The following FBN2 variants were observed in gnomAD, a reference collection of about 807,000 sequenced individuals.
FBN2 encodes the protein fibrillin-2.
In FBN2, 105 loss-of-function variants were observed where a neutral mutation model predicts 355.6. The observed-to-expected ratio is 0.30, with a 90% CI of 0.25 to 0.35. The LOEUF is 0.35. FBN2 is among the 10% of genes least tolerant of loss of function. The pLI is 1.00. For missense variants in FBN2, 3,280 were observed against 3,758.7 expected (o/e 0.87, Z 3.33); for synonymous variants, 1,350 against 1,301.2 (o/e 1.04, Z -0.81).
At chr5:128,474,093 C>T (rs1463374807) in intron 5 of FBN2, among the ~76,000 whole-genome samples, 1 of 152,170 alleles carries the variant, frequency 6.6e-6, no homozygotes, top group Non-Finnish European at 1.5e-5. Flanking sequence ...TGTCACGTTT[C>T]ATACGGGTGA....
intron 15 of FBN2, among the ~76,000 whole-genome samples, chr5:128,371,477 T>C (rs1449633221): frequency 6.7e-6 from 1 of 149,908 alleles, no homozygotes; most frequent in African/African-American, 2.5e-5. Context: ...CTTCCTTCCT[T>C]TCCTTCCTTT....
intron 9 of FBN2, 40 bp from the exon 10 acceptor site, chr5:128,393,408 T>G: frequency 6.5e-7 from 1 of 1,544,612 alleles, no homozygotes; most frequent in Non-Finnish European, 8.9e-7. Flanking sequence ...CAGGTGAATG[T>G]CTTTCTGCAT....
Position 128,332,968 on chromosome 5 carries a change from C to T in FBN2, c.4166G>A (p.Gly1389Glu). 1.2e-6 allele frequency: 2 copies of T among 1,613,748 alleles called. No individual in the cohort carries two copies. The highest frequency in any genetic ancestry group is 1.1e-5 in the South Asian group (1 of 91,060). ...DMHASCLNIP[G>E]SFKCSCREGW... ...TTCTCTGCAGCTACACTTGAAGCTT[C>T]CTGGGATATTCAGACATGAGGCATG... is the stretch of plus-strand genomic sequence containing the variant. The change falls in exon 32 of 65, where the codon GGA becomes GAA. Residue 1389 changes from glycine to glutamate, a missense_variant. Physicochemically the swap from Gly to Glu is moderately conservative, Grantham distance 98. This residue lies in a region of FBN2 where 2,284 missense variants were observed against 2,749.5 expected (regional missense o/e 0.83). Transcript: ENST00000262464.
chr5:128,349,367 C>G lies in FBN2; in HGVS notation c.2969G>C (p.Gly990Ala). 6.2e-7 allele frequency: 1 copy of G among 1,614,062 alleles called. No homozygotes were observed. The highest frequency in any genetic ancestry group is 2.2e-5 in the East Asian group (1 of 44,870). ...CECPEGLTLD[G>A]TGRVCLDIRM... is the part of the protein sequence containing the mutation. ...CTTACCCAAACATACACGGCCAGTC[C>G]CATCCAACGTAAGGCCTTCAGGGCA... Residue 990 changes from glycine to alanine, a missense_variant, in exon 23 of 65, where the codon GGG (glycine) becomes GCG (alanine). By Grantham distance (60) the Gly-to-Ala change is moderately conservative (BLOSUM62 0). Transcript: ENST00000262464.
At chr5:128,357,832 C>T (rs993911865) in intron 19 of FBN2, among the ~76,000 whole-genome samples, 2 of 152,108 alleles carry the variant, frequency 1.3e-5, no homozygotes, top group African/African-American at 4.8e-5. Context: ...ATTCCAAGCT[C>T]TTGGGTATGA....
intron 12 of FBN2, 127 bp from the exon 13 acceptor site, chr5:128,378,004 A>C: frequency 3.8e-6 from 3 of 791,124 alleles, no homozygotes; most frequent in South Asian, 1.7e-5. Flanking sequence ...TCTGTCTCTC[A>C]GCAGTTTTTT....
chr5:128,532,627 A>T (rs953964591), intron 2 of FBN2, among the ~76,000 whole-genome samples: 3 of 152,190 alleles, frequency 2.0e-5, no homozygotes, highest in Non-Finnish European at 4.4e-5. Context: ...TTTCAAAGAG[A>T]TTTGGGACCC....
chr5:128,475,185 C>T (rs905160861), intron 5 of FBN2, among the ~76,000 whole-genome samples: 7 of 152,102 alleles, frequency 4.6e-5, no homozygotes, highest in Non-Finnish European at 4.4e-5. Context: ...AGACATCCCC[C>T]GGTCTCATCT....
At chr5:128,523,748 C>T (rs916536274) in intron 4 of FBN2, among the ~76,000 whole-genome samples, 1 of 152,026 alleles carries the variant, frequency 6.6e-6, no homozygotes, top group African/African-American at 2.4e-5. Context: ...CCAAAACCCT[C>T]TCCTTGTCAC....
In FBN2 at chr5:128,289,256, A is replaced by C; in HGVS notation, c.6512-4T>G. 1 of 1,613,822 alleles carries C rather than the reference A, an allele frequency of 6.2e-7. No individual in the cohort carries two copies. Among genetic ancestry groups the C allele is most frequent in the African/African-American group, 1.3e-5 (1 of 75,024 alleles). The stretch of plus-strand genomic sequence containing the variant: ...CTCTCAAGACACTCATTGACATCTA[A>C]AATATAGAACTGCATGTGAATTTCC... On this transcript the variant is annotated splice_region_variant and splice_polypyrimidine_tract_variant and intron_variant, in intron 51 of 64. Transcript: ENST00000262464.
At chr5:128,378,383 G>T (rs1197988453) in intron 12 of FBN2, among the ~76,000 whole-genome samples, 1 of 152,090 alleles carries the variant, frequency 6.6e-6, no homozygotes, top group Non-Finnish European at 1.5e-5. Context: ...CAGGGTGGTG[G>T]GTGTAGCACT....
chr5:128,400,886 A>T (rs928271288), intron 8 of FBN2, among the ~76,000 whole-genome samples: 1 of 152,092 alleles, frequency 6.6e-6, no homozygotes, highest in Non-Finnish European at 1.5e-5. Context: ...GGTGGGAGGG[A>T]CCCAGAGGGA....
intron 7 of FBN2, among the ~76,000 whole-genome samples, chr5:128,422,058 C>T (rs940589931): frequency 9.9e-5 from 15 of 152,140 alleles, no homozygotes; most frequent in African/African-American, 3.1e-4. Flanking sequence ...AGCCAAGGAA[C>T]GAGGGTAGCC....
intron 63 of FBN2, 111 bp downstream of exon 63, chr5:128,263,314 C>T (rs1412135306): frequency 1.1e-5 from 9 of 815,966 alleles, no homozygotes; most frequent in Non-Finnish European, 1.9e-5. Flanking sequence ...CTAATCAATG[C>T]TTTTGCGGTT....
At chr5:128,437,772 GTATAGATA>G (rs1753807202) in intron 7 of FBN2, among the ~76,000 whole-genome samples, 2 of 130,004 alleles carry the variant, frequency 1.5e-5, no homozygotes, top group African/African-American at 6.0e-5. Context: ...TAGTATGTAT[GTATAGATA>G]GATAGATAGA....
At chr5:128,273,803 G>A (rs1561741823) in intron 61 of FBN2, 37 bp downstream of exon 61, 2 of 1,597,778 alleles carry the variant, frequency 1.3e-6, no homozygotes, top group Non-Finnish European at 1.7e-6. Context: ...ATGGTTTACT[G>A]TTATTAGATT....
chr5:128,495,927 G>C (rs1755643410), intron 5 of FBN2, among the ~76,000 whole-genome samples: 1 of 152,036 alleles, frequency 6.6e-6, no homozygotes, highest in African/African-American at 2.4e-5. Flanking sequence ...CAAGTTTCTA[G>C]AAAGATAGAA....
rs145589172 is a variant in FBN2, at chr5:128,518,959, A to G, written c.628+314T>C. Among the ~76,000 whole-genome samples, 343 of 152,302 alleles carry G rather than the reference A, an allele frequency of 2.3e-3. 2 individuals are homozygous for G. Among genetic ancestry groups the G allele is most frequent in the African/African-American group, 7.8e-3 (323 of 41,568 alleles). On this transcript the variant is annotated intron_variant, in intron 5 of 64. Coordinates refer to ENST00000262464, the MANE Select transcript of FBN2 (RefSeq NM_001999.4). ...ACACTATTTCATTTTTAACAGAAGC[A>G]GTACTTTCAACAATGCCTCCTAATT...
At chr5:128,523,881 G>T (rs10073062) in intron 4 of FBN2, among the ~76,000 whole-genome samples, 58,369 of 151,758 alleles carry the variant, frequency 0.38, 13,397 homozygotes, top group African/African-American at 0.65. Context: ...CTGCAGCATT[G>T]TTCACTAGCA....
Sources: gnomAD v4.1 joint callset for allele counts (sites outside exome capture counted in the v4.1 genomes callset) on GRCh38, gnomAD v4.1.1 for gene constraint, gnomAD v4.1.1 regional missense constraint, MANE v1.5 for transcripts, NCBI Gene and HGNC (gene_info 2026-07-23, HGNC 2026-07-21) for gene names.